CHD9: variants seen among roughly 807,000 people sequenced by gnomAD.
The protein encoded by CHD9 is ATP-dependent chromatin remodeler CHD9.
Under a neutral mutation model 316.1 loss-of-function variants are expected in CHD9, and 77 were observed. The observed-to-expected ratio is 0.24, with a 90% CI of 0.20 to 0.29. The LOEUF (loss-of-function observed/expected upper bound fraction) is 0.29, where lower values mean the gene tolerates loss of function less well. Ranked by LOEUF, CHD9 falls within the 10% of genes least tolerant of loss-of-function variation. CHD9 has a pLI of 1.00. For missense variants in CHD9, 2,763 were observed against 3,438.1 expected (o/e 0.80, Z 4.91); for synonymous variants, 1,129 against 1,158.3 (o/e 0.97, Z 0.51).
chr16:53,154,722 A>ATCCG (rs920003695), intron 1 of CHD9, among the ~76,000 whole-genome samples: 1 of 152,214 alleles, frequency 6.6e-6, no homozygotes, highest in Non-Finnish European at 1.5e-5. Flanking sequence ...CAGGAGGCGG[A>ATCCG]GCTCAGGCAG....
intron 1 of CHD9, among the ~76,000 whole-genome samples, chr16:53,114,957 C>A (rs116501784): frequency 0.024 from 3,658 of 152,232 alleles, 166 homozygotes; most frequent in African/African-American, 0.083. Flanking sequence ...TTGCCTCTTA[C>A]TTCTACAGCT....
intron 3 of CHD9, among the ~76,000 whole-genome samples, chr16:53,221,606 C>A (rs1214594372): frequency 1.3e-5 from 2 of 152,068 alleles, no homozygotes; most frequent in African/African-American, 4.8e-5. Flanking sequence ...AAAAAACCCA[C>A]TTTCATTTTA....
At chr16:53,286,875 G>A (rs1220679869) in intron 26 of CHD9, among the ~76,000 whole-genome samples, 1 of 152,030 alleles carries the variant, frequency 6.6e-6, no homozygotes, top group Non-Finnish European at 1.5e-5. Context: ...TATGCTGTAT[G>A]CTATGTAAAT....
At chr16:53,299,690 A>G in intron 30 of CHD9, 1 of 324,110 alleles carries the variant, frequency 3.1e-6, no homozygotes, top group Admixed American at 3.9e-5. Flanking sequence ...TCCTGAGGAA[A>G]CTCCTTTTTC....
Position 53,315,937 on chromosome 16 carries a change from G to A in CHD9, c.7584+893G>A, listed in dbSNP as rs924268627. The stretch of plus-strand genomic sequence containing the variant: ...TTCTATGCCCCTCCAGATGCACAAT[G>A]AGTTTATTTTAATCAAAGATGAGGC... On this transcript the variant is annotated intron_variant, in intron 36 of 38. Coordinates refer to ENST00000447540, the MANE Select transcript of CHD9 (RefSeq NM_001308319.2). Among the ~76,000 whole-genome samples the A allele has an allele frequency of 2.6e-5, 4 of 152,226 alleles. No homozygotes were observed. The East Asian group carries it at 7.7e-4, about 29-fold the overall frequency.
intron 1 of CHD9, among the ~76,000 whole-genome samples, chr16:53,136,498 G>A (rs1251504227): frequency 6.6e-6 from 1 of 151,106 alleles, no homozygotes; most frequent in African/African-American, 2.4e-5. Flanking sequence ...CTTTAAAATG[G>A]CAATCAAATA....
chr16:53,130,770 G>T (rs2152678608), intron 1 of CHD9, among the ~76,000 whole-genome samples: 1 of 151,990 alleles, frequency 6.6e-6, no homozygotes, highest in South Asian at 2.1e-4. Context: ...GAGCGGCGAA[G>T]GGGACGCTCC....
At position 53,156,592 on chromosome 16, in the gene CHD9, A is replaced by C. The variant is rs755500516; in HGVS notation, c.503A>C (p.Asn168Thr). 1.9e-6 allele frequency: 3 copies of C among 1,614,018 alleles called. No individual in the cohort carries two copies. Residue 168 changes from asparagine to threonine, a missense_variant, in exon 2 of 39, where the codon AAT (asparagine) becomes ACT (threonine). By Grantham distance (65) the Asn-to-Thr change is moderately conservative. Transcript: ENST00000447540. ...CATGACTTTGCCTTATTTCAGGCCAATGAACAACAAACACAGTGTACTTCA... is the reference window on the plus strand; with the variant it reads ...CATGACTTTGCCTTATTTCAGGCCACTGAACAACAAACACAGTGTACTTCA... ...AHHDFALFQA[N>T]EQQTQCTSLR...
At chr16:53,308,572 G>T in intron 33 of CHD9, 114 bp from the exon 34 acceptor site, 3 of 702,788 alleles carry the variant, frequency 4.3e-6, no homozygotes, top group East Asian at 2.7e-5. Context: ...GAACTTCTTT[G>T]ATGTTTCAGG....
chr16:53,251,619 T>A (rs996986620), intron 17 of CHD9, among the ~76,000 whole-genome samples: 4 of 152,232 alleles, frequency 2.6e-5, no homozygotes, highest in African/African-American at 7.2e-5. Context: ...ATTTTATGAT[T>A]TAATTTGTCT....
chr16:53,109,630 C>T lies in CHD9; in HGVS notation c.-164-46296C>T, dbSNP rs1017400621. 3.3e-5 allele frequency among the ~76,000 whole-genome samples: 5 copies of T among 150,896 alleles called. No homozygotes were observed. In the East Asian group the frequency reaches 5.9e-4, roughly 18 times the overall value. On this transcript the variant is annotated intron_variant, in intron 1 of 38. Coordinates refer to ENST00000447540, the MANE Select transcript of CHD9 (RefSeq NM_001308319.2). ...GATTACGGGTGTGAGCCACAGCGCC[C>T]GTCCTAAGATCAGAATATTTTGCCT...
intron 1 of CHD9, among the ~76,000 whole-genome samples, chr16:53,105,312 T>C (rs937462387): frequency 1.3e-5 from 2 of 152,170 alleles, no homozygotes; most frequent in Admixed American, 1.3e-4. Flanking sequence ...TCCAGAGATA[T>C]TTCATATATA....
chr16:53,260,206 T>A (rs2050964822), intron 19 of CHD9, among the ~76,000 whole-genome samples: 1 of 152,192 alleles, frequency 6.6e-6, no homozygotes, highest in Non-Finnish European at 1.5e-5. Flanking sequence ...AGGTCAGGAC[T>A]GGTGGCACAC....
chr16:53,130,522 G>C (rs1343106209), intron 1 of CHD9, among the ~76,000 whole-genome samples: 1 of 149,058 alleles, frequency 6.7e-6, no homozygotes, highest in Non-Finnish European at 1.5e-5. Context: ...GTGAGGGCGC[G>C]GCCTGACGTG....
At chr16:53,143,357 A>ATTTT (rs897911621) in intron 1 of CHD9, among the ~76,000 whole-genome samples, 8 of 119,530 alleles carry the variant, frequency 6.7e-5, no homozygotes, top group African/African-American at 2.5e-4. Flanking sequence ...ATTTTATCTT[A>ATTTT]TTTTATTTAT....
At chr16:53,194,370 T>A (rs1420388118) in intron 2 of CHD9, among the ~76,000 whole-genome samples, 1 of 151,764 alleles carries the variant, frequency 6.6e-6, no homozygotes, top group Non-Finnish European at 1.5e-5. Context: ...AGCCCAGGAG[T>A]TTGAGACCAG....
At chr16:53,090,925 C>T (rs2035878606) in intron 1 of CHD9, among the ~76,000 whole-genome samples, 1 of 45,844 alleles carries the variant, frequency 2.2e-5, no homozygotes, top group African/African-American at 8.1e-5. Flanking sequence ...GCCTGCCTGC[C>T]CACCATGCTC....
intron 38 of CHD9, 80 bp from the exon 39 acceptor site, chr16:53,323,940 A>G (rs553764135): frequency 4.2e-6 from 5 of 1,178,750 alleles, no homozygotes; most frequent in Middle Eastern, 2.2e-4. Flanking sequence ...CCTATTTTTC[A>G]TGGTTATTTG....
At chr16:53,190,668 T>A (rs2044405607) in intron 2 of CHD9, among the ~76,000 whole-genome samples, 1 of 152,072 alleles carries the variant, frequency 6.6e-6, no homozygotes, top group African/African-American at 2.4e-5. Context: ...TTTATATTGA[T>A]TTACCATTTT....
Sources: allele counts gnomAD v4.1 joint callset (sites outside exome capture counted in the v4.1 genomes callset), GRCh38; gene constraint gnomAD v4.1.1; transcripts MANE v1.5; gene names NCBI Gene and HGNC (gene_info 2026-07-23, HGNC 2026-07-21).